Variants in VAMP5 observed in about 807,000 individuals in gnomAD.
VAMP5 encodes the protein vesicle associated membrane protein 5, also known as vesicle-associated membrane protein 5.
VAMP5 carries 10 observed loss-of-function variants against 8.1 expected under a neutral mutation model. That is an observed-to-expected ratio of 1.23 (90% CI 0.76 to 2.09). VAMP5 has a LOEUF of 2.09. Among genes scored for constraint, VAMP5 ranks in the 30% most tolerant of loss-of-function variants. The pLI, the probability that VAMP5 is intolerant of heterozygous loss-of-function variation, is 0.00. For synonymous variants in VAMP5, 62 were observed against 60.6 expected (o/e 1.02, Z -0.11); for missense variants, 135 against 152.5 (o/e 0.89, Z 0.60).
At chr2:85,587,959 G>T (rs1311534263) in intron 1 of VAMP5, among the ~76,000 whole-genome samples, 2 of 152,154 alleles carry the variant, frequency 1.3e-5, no homozygotes, top group Admixed American at 1.3e-4. Flanking sequence ...GGGAGACAAG[G>T]AGAGTTAGGA....
rs191296654 is a variant in VAMP5 at position 85,592,126 on chromosome 2, A to T, written c.141+264A>T. 5.1e-4 allele frequency among the ~76,000 whole-genome samples: 78 copies of T among 152,302 alleles called. 1 individual carries two copies. Among genetic ancestry groups the T allele is most frequent in the Middle Eastern group, 3.4e-3 (1 of 294 alleles). ...TTGTTTCTTTTTTACTTTGAGACAGAGTCTCACTCTGTCGCCCAGGCTAGT... is the reference window on the plus strand; with the variant it reads ...TTGTTTCTTTTTTACTTTGAGACAGTGTCTCACTCTGTCGCCCAGGCTAGT... On this transcript the variant is annotated intron_variant, in intron 2 of 2. Transcript: ENST00000306384.
intron 1 of VAMP5, among the ~76,000 whole-genome samples, chr2:85,586,796 G>T (rs1301403502): frequency 2.0e-5 from 3 of 152,178 alleles, no homozygotes; most frequent in African/African-American, 7.2e-5. Flanking sequence ...ATGCAGCCGG[G>T]CGCGGTGGCT....
At chr2:85,585,385 T>C (rs563346487) in intron 1 of VAMP5, among the ~76,000 whole-genome samples, 1 of 152,340 alleles carries the variant, frequency 6.6e-6, no homozygotes, top group South Asian at 2.1e-4. Context: ...TTGGAGAAAC[T>C]GACAGAGGTG....
At chr2:85,592,859 A>G in intron 2 of VAMP5, 89 bp from the exon 3 acceptor site, 1 of 1,358,778 alleles carries the variant, frequency 7.4e-7, no homozygotes, top group East Asian at 2.3e-5. Context: ...GAGGAGACTA[A>G]GCCTTACTGA....
chr2:85,586,215 ATCT>A (rs1197627252), intron 1 of VAMP5, among the ~76,000 whole-genome samples: 1 of 152,162 alleles, frequency 6.6e-6, no homozygotes, highest in East Asian at 1.9e-4. Context: ...CAACTCCCAG[ATCT>A]TCTACTCACT....
At position 85,592,985 on chromosome 2, in the gene VAMP5, A is replaced by G. The variant is rs187570312; in HGVS notation, c.179A>G (p.Gln60Arg). The G allele has an allele frequency of 2.3e-5, 37 of 1,614,028 alleles. No homozygotes were observed. The East Asian group carries it at 7.1e-4, about 31-fold the overall frequency. ...TFNKTTQNLA[Q>R]KKCWENIRYR... The stretch of plus-strand genomic sequence containing the variant: ...AACAAGACTACACAGAACCTGGCCC[A>G]GAAGAAGTGCTGGGAGAACATCCGT... The change falls in exon 3 of 3, where the codon CAG becomes CGG. Residue 60 changes from glutamine to arginine, a missense_variant. Gln to Arg is a conservative substitution (Grantham distance 43). Transcript: ENST00000306384.
intron 1 of VAMP5, among the ~76,000 whole-genome samples, chr2:85,588,729 C>T (rs971613146): frequency 6.6e-6 from 1 of 152,180 alleles, no homozygotes; most frequent in African/African-American, 2.4e-5. Context: ...CCAGTCTTCT[C>T]TACCTGACCT....
intron 2 of VAMP5, 107 bp downstream of exon 2, chr2:85,591,969 G>A (rs1672546243): frequency 6.6e-7 from 1 of 1,511,766 alleles, no homozygotes; most frequent in Non-Finnish European, 9.0e-7. Context: ...GCCTTCTTGA[G>A]GGCCAGTGTG....
chr2:85,591,695 T>C (rs895414801), intron 1 of VAMP5, 30 bp from the exon 2 acceptor site: 27 of 1,613,564 alleles, frequency 1.7e-5, no homozygotes, highest in Non-Finnish European at 2.3e-5. Context: ...GGGGGCCTCA[T>C]GCAGCCCTGA....
At chr2:85,592,222 T>G (rs1445322405) in intron 2 of VAMP5, among the ~76,000 whole-genome samples, 1 of 152,174 alleles carries the variant, frequency 6.6e-6, no homozygotes, top group African/African-American at 2.4e-5. Flanking sequence ...CTCAGCCTCC[T>G]GAAGAGCTAG....
Position 85,593,324 on chromosome 2 carries a change from C to T in VAMP5, c.*167C>T. On this transcript the variant is annotated 3_prime_UTR_variant, in exon 3 of 3. Coordinates refer to ENST00000306384, the MANE Select transcript of VAMP5 (RefSeq NM_006634.3). ...CATGCCACAGACTGGCCCTTGAGGG[C>T]AGCCTGCTGTACTGGCCATGCTGGG... The T allele has an allele frequency of 1.3e-6, 1 of 756,534 alleles. No homozygotes were observed. The highest frequency in any genetic ancestry group is 2.2e-6 in the Non-Finnish European group (1 of 457,352). The allele number at this position is 756,534 out of a possible 1,614,324, so 46.9% of individuals were successfully genotyped here.
intron 1 of VAMP5, among the ~76,000 whole-genome samples, chr2:85,590,682 G>A (rs770449328): frequency 1.3e-5 from 2 of 152,216 alleles, no homozygotes; most frequent in Admixed American, 1.3e-4. Flanking sequence ...GTAAGGAGGG[G>A]AAGGGAACAG....
At chr2:85,590,565 C>G (rs531012292) in intron 1 of VAMP5, among the ~76,000 whole-genome samples, 17 of 152,176 alleles carry the variant, frequency 1.1e-4, no homozygotes, top group Non-Finnish European at 1.9e-4. Flanking sequence ...CAGATCTCTT[C>G]TAACACTTAA....
At chr2:85,592,866 C>A in intron 2 of VAMP5, 82 bp from the exon 3 acceptor site, 2 of 1,409,852 alleles carry the variant, frequency 1.4e-6, no homozygotes, top group African/African-American at 1.4e-5. Flanking sequence ...CTAAGCCTTA[C>A]TGAGATGGGG....
Position 85,591,707 on chromosome 2 carries a change from C to T in VAMP5, c.4-18C>T. On this transcript the variant is annotated intron_variant, in intron 1 of 2. Transcript: ENST00000306384. Reference sequence around the variant, plus strand: ...GGTGGGGGCCTCATGCAGCCCTGACCTCGGGCTTGGTGTCCAGGCAGGAAT... The same window carrying T: ...GGTGGGGGCCTCATGCAGCCCTGACTTCGGGCTTGGTGTCCAGGCAGGAAT... The T allele has an allele frequency of 6.2e-7, 1 of 1,613,964 alleles. No individual in the cohort carries two copies. The highest frequency in any genetic ancestry group is 8.5e-7 in the Non-Finnish European group (1 of 1,179,928).
At chr2:85,586,466 T>C (rs1241548265) in intron 1 of VAMP5, among the ~76,000 whole-genome samples, 2 of 151,756 alleles carry the variant, frequency 1.3e-5, no homozygotes, top group African/African-American at 2.4e-5. Flanking sequence ...GTCCCAACTA[T>C]GCGGGAGGTT....
At chr2:85,591,968 A>C in intron 2 of VAMP5, 106 bp downstream of exon 2, 1 of 1,534,260 alleles carries the variant, frequency 6.5e-7, no homozygotes. Flanking sequence ...GGCCTTCTTG[A>C]GGGCCAGTGT....
At position 85,592,930 on chromosome 2, in the gene VAMP5, G is replaced by A; in HGVS notation, c.142-18G>A. 1.2e-6 allele frequency: 2 copies of A among 1,612,988 alleles called. No individual in the cohort carries two copies. Among genetic ancestry groups the A allele is most frequent in the Non-Finnish European group, 1.7e-6 (2 of 1,179,914 alleles). Reference sequence around the variant, plus strand: ...GGGTGCCAGCTAACTCCCACTTTGTGTCTGGGGGTATCCGCAGAGCTCAAC... The same window carrying A: ...GGGTGCCAGCTAACTCCCACTTTGTATCTGGGGGTATCCGCAGAGCTCAAC... On this transcript the variant is annotated intron_variant, in intron 2 of 2. Transcript: ENST00000306384.
At chr2:85,591,582 A>T in intron 1 of VAMP5, 143 bp from the exon 2 acceptor site, 1 of 1,280,082 alleles carries the variant, frequency 7.8e-7, no homozygotes, top group Non-Finnish European at 1.1e-6. Context: ...TTCACTCCGC[A>T]CACATCATAC....
Sources: gnomAD v4.1 joint callset for allele counts (sites outside exome capture counted in the v4.1 genomes callset) on GRCh38, gnomAD v4.1.1 for gene constraint, MANE v1.5 for transcripts, NCBI Gene and HGNC (gene_info 2026-07-23, HGNC 2026-07-21) for gene names.